DOCK3: variants seen among roughly 807,000 people sequenced by gnomAD.
DOCK3 encodes dedicator of cytokinesis protein 3.
In DOCK3, 60 loss-of-function variants were observed where a neutral mutation model predicts 265.6. That is an observed-to-expected ratio of 0.23 (90% CI 0.18 to 0.28). The LOEUF (loss-of-function observed/expected upper bound fraction) is 0.28. Among genes scored for constraint, DOCK3 ranks in the 10% least tolerant of loss-of-function variants. DOCK3 has a pLI of 1.00. For missense variants in DOCK3, 1,981 were observed against 2,594.3 expected, an observed-to-expected ratio of 0.76 and a Z score of 5.14; for synonymous variants, 881 against 938.0, an observed-to-expected ratio of 0.94 and a Z score of 1.11.
intron 23 of DOCK3, among the ~76,000 whole-genome samples, chr3:51,268,914 G>A (rs184624080): frequency 4.3e-4 from 65 of 152,138 alleles, no homozygotes; most frequent in Non-Finnish European, 8.1e-4. Context: ...GAGATTAGAG[G>A]TAGCTAGCAA....
Position 51,192,950 on chromosome 3 carries a change from A to G in DOCK3, c.1038-15824A>G, listed in dbSNP as rs1476782045. 2.6e-5 allele frequency among the ~76,000 whole-genome samples: 4 copies of G among 152,190 alleles called. No homozygotes were observed. The East Asian group carries it at 5.8e-4, about 22-fold the overall frequency. On this transcript the variant is annotated intron_variant, in intron 12 of 52. Transcript: ENST00000266037. ...TTCTCTGGCTAGGACTTTCAGTACAATATTGAATAGGAATGGTGAAGGTGG... is the reference window on the plus strand; with the variant it reads ...TTCTCTGGCTAGGACTTTCAGTACAGTATTGAATAGGAATGGTGAAGGTGG...
chr3:51,246,541 A>G (rs1299144911), intron 21 of DOCK3, among the ~76,000 whole-genome samples, 185 bp from the exon 22 acceptor site: 1 of 152,234 alleles, frequency 6.6e-6, no homozygotes, highest in Non-Finnish European at 1.5e-5. Context: ...GGCAACTCCT[A>G]TGGACAAAGA....
chr3:51,048,895 T>C (rs1237174335), intron 5 of DOCK3, among the ~76,000 whole-genome samples: 2 of 151,452 alleles, frequency 1.3e-5, no homozygotes, highest in Non-Finnish European at 1.5e-5. Context: ...ATGCCATTAA[T>C]ACAATGGAAA....
At chr3:50,946,570 T>A (rs1169063575) in intron 5 of DOCK3, among the ~76,000 whole-genome samples, 1 of 152,188 alleles carries the variant, frequency 6.6e-6, no homozygotes, top group African/African-American at 2.4e-5. Flanking sequence ...ATCTCAGAAC[T>A]GTTTAGGTAG....
chr3:51,212,968 G>A (rs987860003), intron 13 of DOCK3, among the ~76,000 whole-genome samples: 3 of 151,512 alleles, frequency 2.0e-5, no homozygotes, highest in Non-Finnish European at 1.5e-5. Flanking sequence ...CCTTGGCCCA[G>A]CTCTGAGAGT....
intron 5 of DOCK3, among the ~76,000 whole-genome samples, chr3:51,024,693 T>C (rs1359513719): frequency 6.6e-6 from 1 of 152,234 alleles, no homozygotes; most frequent in Admixed American, 6.5e-5. Context: ...TGTGCAAGCC[T>C]GCATCTGGGC....
At chr3:50,989,064 G>A (rs187066678) in intron 5 of DOCK3, among the ~76,000 whole-genome samples, 1 of 152,284 alleles carries the variant, frequency 6.6e-6, no homozygotes, top group Non-Finnish European at 1.5e-5. Context: ...GCTGGTCTTT[G>A]ACCCAAGAAG....
chr3:50,838,649 A>G (rs776305261), intron 2 of DOCK3, among the ~76,000 whole-genome samples: 2 of 152,252 alleles, frequency 1.3e-5, no homozygotes, highest in African/African-American at 4.8e-5. Flanking sequence ...TAGATTTTCC[A>G]GAGTTCTTGG....
At chr3:51,314,956 A>G (rs77504275) in intron 31 of DOCK3, 24 bp from the exon 32 acceptor site, 2 of 1,586,480 alleles carry the variant, frequency 1.3e-6, no homozygotes, top group African/African-American at 2.7e-5. Context: ...GCAGGCATAA[A>G]CTAATTTGGG....
chr3:51,374,692 A>T lies in DOCK3; in HGVS notation c.5412+105A>T, dbSNP rs2087954786. On this transcript the variant is annotated intron_variant, in intron 50 of 52. Coordinates refer to ENST00000266037, the MANE Select transcript of DOCK3 (RefSeq NM_004947.5). This position sits in a 1 kb window ranked among gnomAD's most constrained non-coding sequence, Gnocchi z 4.8. ...CTGCATTGTCCTACATGGCTCTCTC[A>T]TTCCGCTGTAAGATCCCGCAAAAGG... 1.8e-6 allele frequency: 2 copies of T among 1,134,762 alleles called. No homozygotes were observed. The highest frequency in any genetic ancestry group is 2.6e-6 in the Non-Finnish European group (2 of 783,406). 70.3% of individuals were successfully genotyped at this position (1,134,762 alleles called of 1,614,324 possible).
intron 5 of DOCK3, among the ~76,000 whole-genome samples, chr3:50,981,648 C>T (rs2077692368): frequency 1.3e-5 from 2 of 152,158 alleles, no homozygotes; most frequent in South Asian, 4.1e-4. Flanking sequence ...CATATATTTA[C>T]AATAATTATA....
chr3:51,316,528 G>A (rs530746492), intron 32 of DOCK3, among the ~76,000 whole-genome samples: 22 of 152,240 alleles, frequency 1.4e-4, no homozygotes, highest in African/African-American at 2.2e-4. Flanking sequence ...ATTAGCTTTC[G>A]AAGAGGTTCT....
At chr3:50,718,489 C>G (rs2037265141) in intron 1 of DOCK3, among the ~76,000 whole-genome samples, 1 of 152,118 alleles carries the variant, frequency 6.6e-6, no homozygotes, top group Non-Finnish European at 1.5e-5. Flanking sequence ...AAACCCCTTT[C>G]ATTTTTCTTT....
In DOCK3 at chr3:50,703,306, C is replaced by CT. The variant is rs60024402; in HGVS notation, c.37+28014dup. Among the ~76,000 whole-genome samples the CT allele has an allele frequency of 3.9e-3, 585 of 151,804 alleles. 6 individuals are homozygous for CT. Among genetic ancestry groups the CT allele is most frequent in the African/African-American group, 0.013 (544 of 41,426 alleles). On this transcript the variant is annotated intron_variant, in intron 1 of 52. Transcript: ENST00000266037. ...CAAGGATGTTGGCCTGTAGTTTTCT[C>CT]TTTTTTTTCTTGTGTCTTTGTATGG...
intron 5 of DOCK3, among the ~76,000 whole-genome samples, chr3:51,014,914 TA>T (rs1462648173): frequency 1.3e-5 from 2 of 152,160 alleles, no homozygotes; most frequent in Non-Finnish European, 2.9e-5. Context: ...TAAATGGGAT[TA>T]TTTTCTTGAT....
At chr3:51,213,655 T>G (rs1223944089) in intron 13 of DOCK3, among the ~76,000 whole-genome samples, 1 of 152,198 alleles carries the variant, frequency 6.6e-6, no homozygotes, top group East Asian at 1.9e-4. Flanking sequence ...TCCCACACTT[T>G]GGCATACTCC....
intron 1 of DOCK3, among the ~76,000 whole-genome samples, chr3:50,773,778 T>A (rs2041425374): frequency 6.6e-6 from 1 of 152,080 alleles, no homozygotes; most frequent in Non-Finnish European, 1.5e-5. Context: ...CCCCTCTACC[T>A]TGGAGGGTTC....
At chr3:50,796,968 T>C (rs1364069302) in intron 2 of DOCK3, among the ~76,000 whole-genome samples, 1 of 151,554 alleles carries the variant, frequency 6.6e-6, no homozygotes, top group Non-Finnish European at 1.5e-5. Flanking sequence ...TCCACTGTGC[T>C]GGTGGGGGTG....
At chr3:50,749,949 G>A (rs1264692236) in intron 1 of DOCK3, among the ~76,000 whole-genome samples, 3 of 152,056 alleles carry the variant, frequency 2.0e-5, no homozygotes, top group Admixed American at 2.0e-4. Context: ...CTTAACGCAG[G>A]GGCCCCCAAC....
Sources: allele counts gnomAD v4.1 joint callset (sites outside exome capture counted in the v4.1 genomes callset), GRCh38; gene constraint gnomAD v4.1.1; non-coding constraint Gnocchi (gnomAD v3.1); transcripts MANE v1.5; gene names NCBI Gene and HGNC (gene_info 2026-07-23, HGNC 2026-07-21).